ROS1: variants seen among roughly 807,000 people sequenced by gnomAD.
ROS1 encodes the protein proto-oncogene tyrosine-protein kinase ROS.
In ROS1, 263 loss-of-function variants were observed where a neutral mutation model predicts 273.5. The ratio of observed to expected loss-of-function variants is 0.96; its 90% CI spans 0.87 to 1.06. ROS1 has a LOEUF of 1.06. Among genes scored for constraint, ROS1 ranks in the 50% least tolerant of loss-of-function variants. The probability of loss-of-function intolerance (pLI) is 0.00; values close to 1 mark genes in which losing one functional copy is unlikely to be tolerated. For missense variants in ROS1, 2,833 were observed against 2,751.1 expected, an observed-to-expected ratio of 1.03 and a Z score of -0.67; for synonymous variants, 1,008 against 954.1, an observed-to-expected ratio of 1.06 and a Z score of -1.04.
chr6:117,412,290 T>C (rs776085299), intron 4 of ROS1, among the ~76,000 whole-genome samples: 1 of 151,880 alleles, frequency 6.6e-6, no homozygotes, highest in Non-Finnish European at 1.5e-5. Context: ...TATTTTATAC[T>C]ACATATATAA....
chr6:117,404,581 A>T (rs1407261927), intron 5 of ROS1, among the ~76,000 whole-genome samples, 153 bp from the exon 6 acceptor site: 1 of 149,702 alleles, frequency 6.7e-6, no homozygotes, highest in East Asian at 2.0e-4. Context: ...ATGCATATTC[A>T]GTTTATTTTA....
chr6:117,385,471 C>T (rs1161717265), intron 16 of ROS1, among the ~76,000 whole-genome samples: 3 of 151,864 alleles, frequency 2.0e-5, no homozygotes, highest in East Asian at 1.9e-4. Context: ...CAAGATGGCG[C>T]CACTGCACTC....
intron 38 of ROS1, 60 bp downstream of exon 38, chr6:117,318,128 A>AATTT: frequency 8.0e-7 from 1 of 1,257,240 alleles, no homozygotes; most frequent in Admixed American, 1.7e-5. Flanking sequence ...GGTGTTAAAA[A>AATTT]TAAGTCAAGC....
intron 36 of ROS1, 133 bp from the exon 37 acceptor site, chr6:117,320,163 GAC>G (rs1776192624): frequency 1.3e-6 from 1 of 759,986 alleles, no homozygotes; most frequent in African/African-American, 1.8e-5. Flanking sequence ...TGTTTTATGT[GAC>G]ACGGTGATGT....
intron 7 of ROS1, among the ~76,000 whole-genome samples, chr6:117,398,790 T>C (rs1582849090): frequency 6.6e-6 from 1 of 150,406 alleles, no homozygotes; most frequent in Non-Finnish European, 1.5e-5. Context: ...CTGGCTAACA[T>C]GGTGAAACCC....
chr6:117,394,237 G>T lies in ROS1; in HGVS notation c.1116C>A (p.Tyr372Ter). ...MSDVSDLRIF[Y>*]RGSGLISSIS... Reference sequence around the variant, plus strand: ...TAGAAGAAATTAATCCTGAACCTCTGTAAAAAATTCTCAGGTCAGATACAT... The same window carrying T: ...TAGAAGAAATTAATCCTGAACCTCTTTAAAAAATTCTCAGGTCAGATACAT... The change falls in exon 11 of 44, where the codon TAC (tyrosine) becomes TAA (stop). Residue 372 changes from tyrosine (Y) to a stop codon, truncating the protein, a stop_gained. Coordinates refer to ENST00000368507, the MANE Select transcript of ROS1 (RefSeq NM_001378902.1). LOFTEE classifies it high-confidence loss of function. 1 of 1,610,234 alleles carries T rather than the reference G, an allele frequency of 6.2e-7. No individual in the cohort carries two copies.
intron 27 of ROS1, among the ~76,000 whole-genome samples, chr6:117,348,359 AT>A: frequency 6.6e-6 from 1 of 152,012 alleles, no homozygotes; most frequent in South Asian, 2.1e-4. Flanking sequence ...AGGTTATTAA[AT>A]TTGTGAGCAT....
At chr6:117,340,342 C>G (rs1316533729) in intron 31 of ROS1, among the ~76,000 whole-genome samples, 7 of 152,058 alleles carry the variant, frequency 4.6e-5, no homozygotes, top group Non-Finnish European at 8.8e-5. Context: ...TGGGGAATAA[C>G]TGCATTTTAA....
chr6:117,409,705 C>A, intron 4 of ROS1, 63 bp from the exon 5 acceptor site: 1 of 1,317,226 alleles, frequency 7.6e-7, no homozygotes, highest in Admixed American at 1.7e-5. Context: ...TGATAAGCTT[C>A]AACTAAATTT....
chr6:117,354,223 T>C (rs1324680711), intron 26 of ROS1, among the ~76,000 whole-genome samples: 2 of 151,926 alleles, frequency 1.3e-5, no homozygotes, highest in Non-Finnish European at 2.9e-5. Flanking sequence ...CATGGTAGTG[T>C]GCACCTGTAG....
At chr6:117,321,190 A>T (rs2128562900) in intron 36 of ROS1, 69 bp downstream of exon 36, 2 of 1,530,128 alleles carry the variant, frequency 1.3e-6, no homozygotes, top group South Asian at 2.5e-5. Context: ...TGCGGAATTC[A>T]TAGGCACTCT....
chr6:117,425,647 T>A lies in ROS1; in HGVS notation c.10A>T (p.Ile4Phe), dbSNP rs369466253. ...ACAAGCTTCGGAATAAGACAGTAAA[T>A]GTTCTTCATCACTTCACCAATGGCA... MKN[I>F]YCLIPKLVNF... is the part of the protein sequence containing the mutation. The change falls in exon 1 of 44, where the codon ATT becomes TTT. Residue 4 changes from isoleucine (I) to phenylalanine (F), a missense_variant. Ile to Phe is a conservative substitution (Grantham distance 21). Transcript: ENST00000368507. 1.2e-5 allele frequency: 20 copies of A among 1,611,140 alleles called. No individual in the cohort carries two copies. Among genetic ancestry groups the A allele is most frequent in the Non-Finnish European group, 1.4e-5 (16 of 1,179,046 alleles).
intron 9 of ROS1, among the ~76,000 whole-genome samples, chr6:117,394,946 A>G (rs1773375828): frequency 6.6e-6 from 1 of 152,242 alleles, no homozygotes; most frequent in Admixed American, 6.5e-5. Context: ...TAACAATCAA[A>G]TAGGATTTAT....
In ROS1 at chr6:117,310,063, G is replaced by A. The variant is rs751293087; in HGVS notation, c.6416+18C>T. 6.3e-7 allele frequency: 1 copy of A among 1,597,906 alleles called. No individual in the cohort carries two copies. The highest frequency in any genetic ancestry group is 8.6e-7 in the Non-Finnish European group (1 of 1,165,868). ...TTGATGATTCTGTCAGCATTACTCT[G>A]TGTCCCGTTAAACTTACCATACATC... is the stretch of plus-strand genomic sequence containing the variant. On this transcript the variant is annotated intron_variant, in intron 41 of 43. Coordinates refer to ENST00000368507, the MANE Select transcript of ROS1 (RefSeq NM_001378902.1).
In ROS1 at chr6:117,415,727, C is replaced by T. The variant is rs554675197; in HGVS notation, c.228+531G>A. ...TAAAGGGGAGTAAACCAGGTGTTTA[C>T]GGCCCTGAGTTAGACACCTACTATA... On this transcript the variant is annotated intron_variant, in intron 3 of 43. Transcript: ENST00000368507. Among the ~76,000 whole-genome samples the T allele has an allele frequency of 2.0e-4, 31 of 152,196 alleles. No homozygotes were observed. The South Asian group carries it at 5.2e-3, about 25-fold the overall frequency.
In ROS1 at chr6:117,392,034, G is replaced by A. The variant is rs188829237; in HGVS notation, c.1289+1190C>T. Among the ~76,000 whole-genome samples the A allele has an allele frequency of 3.0e-4, 45 of 152,190 alleles. No homozygotes were observed. In the South Asian group the frequency reaches 8.3e-3, roughly 28 times the overall value. ...AGAGCCACTGAAGACCTCAGTGATC[G>A]CATTTGAATGATCGATTAGTGGGTA... On this transcript the variant is annotated intron_variant, in intron 12 of 43. Coordinates refer to ENST00000368507, the MANE Select transcript of ROS1 (RefSeq NM_001378902.1).
intron 18 of ROS1, among the ~76,000 whole-genome samples, chr6:117,370,612 C>T (rs191086163): frequency 2.5e-4 from 38 of 151,804 alleles, no homozygotes; most frequent in Admixed American, 4.6e-4. Flanking sequence ...ACATATGACA[C>T]GAAGAACACT....
intron 34 of ROS1, 124 bp downstream of exon 34, chr6:117,326,100 T>C (rs1347037525): frequency 1.3e-5 from 2 of 159,906 alleles, no homozygotes; most frequent in Non-Finnish European, 2.4e-5. Flanking sequence ...ATTATATATA[T>C]ATATATATAT....
At chr6:117,349,285 T>C (rs1325209234) in intron 27 of ROS1, among the ~76,000 whole-genome samples, 1 of 152,050 alleles carries the variant, frequency 6.6e-6, no homozygotes, top group Non-Finnish European at 1.5e-5. Flanking sequence ...TAAGGATTAT[T>C]ACATCTTCTT....
Sources: allele counts gnomAD v4.1 joint callset (sites outside exome capture counted in the v4.1 genomes callset), GRCh38; gene constraint gnomAD v4.1.1; transcripts MANE v1.5; gene names NCBI Gene and HGNC (gene_info 2026-07-23, HGNC 2026-07-21).